Variants in WNT3 observed in about 807,000 individuals in gnomAD.
WNT3 encodes proto-oncogene Wnt-3.
A neutral mutation model predicts 34.2 loss-of-function variants in WNT3; 7 were observed. The observed-to-expected ratio is 0.20, with a 90% CI of 0.12 to 0.38. The LOEUF (loss-of-function observed/expected upper bound fraction) is 0.38, where lower values mean the gene tolerates loss of function less well. WNT3 is among the 10% of genes least tolerant of loss of function. The probability of loss-of-function intolerance (pLI) is 1.00; values close to 1 mark genes in which losing one functional copy is unlikely to be tolerated. For missense variants in WNT3, 267 were observed against 499.8 expected, an observed-to-expected ratio of 0.53 and a Z score of 4.44; for synonymous variants, 212 against 211.5, an observed-to-expected ratio of 1.00 and a Z score of -0.02.
At chr17:46,793,249 G>A (rs1426352005) in intron 1 of WNT3, among the ~76,000 whole-genome samples, 3 of 127,220 alleles carry the variant, frequency 2.4e-5, no homozygotes, top group African/African-American at 5.7e-5. Flanking sequence ...ACTCTAGCCT[G>A]GGCAACAGAG....
rs1208822915 is a variant in WNT3 at position 46,768,350 on chromosome 17, A to C, written c.1038T>G (p.Ile346Met). 2.5e-6 allele frequency: 4 copies of C among 1,613,666 alleles called. No homozygotes were observed. Among genetic ancestry groups the C allele is most frequent in the Non-Finnish European group, 3.4e-6 (4 of 1,180,040 alleles). The change falls in exon 4 of 5, where the codon ATT (isoleucine) becomes ATG (methionine). Residue 346 changes from isoleucine to methionine, a missense_variant. Coordinates refer to ENST00000225512, the MANE Select transcript of WNT3 (RefSeq NM_030753.5). This position sits in a 1 kb window ranked among gnomAD's most constrained non-coding sequence, Gnocchi z 5.0. Reference sequence around the variant, plus strand: ...TGCAGGTGTGCACGTCGTAGATGCGAATACACTCCTGGCAGCTGACGTAGC... The same window carrying C: ...TGCAGGTGTGCACGTCGTAGATGCGCATACACTCCTGGCAGCTGACGTAGC... ...WCCYVSCQEC[I>M]RIYDVHTCK
At chr17:46,796,059 G>A (rs750820504) in intron 1 of WNT3, among the ~76,000 whole-genome samples, 4 of 152,124 alleles carry the variant, frequency 2.6e-5, no homozygotes, top group Non-Finnish European at 5.9e-5. Context: ...TGTCCCATCC[G>A]CAGGTGGTAG....
At chr17:46,796,542 T>TGA (rs1388126014) in intron 1 of WNT3, among the ~76,000 whole-genome samples, 8 of 152,148 alleles carry the variant, frequency 5.3e-5, no homozygotes, top group African/African-American at 1.9e-4. Context: ...AGGAGTTGGA[T>TGA]GAGAGATCCC....
At position 46,768,725 on chromosome 17, in the gene WNT3, CCAG is replaced by C; in HGVS notation, c.660_662del (p.Cys220del). 6.2e-7 allele frequency: 1 copy of C among 1,614,168 alleles called. No homozygotes were observed. The highest frequency in any genetic ancestry group is 1.7e-5 in the Admixed American group (1 of 60,034). On this transcript the variant is annotated inframe_deletion, in exon 4 of 5. Coordinates refer to ENST00000225512, the MANE Select transcript of WNT3 (RefSeq NM_030753.5). This position sits in a 1 kb window ranked among gnomAD's most constrained non-coding sequence, Gnocchi z 5.0. ...TGGCACGGAAGTCAGGCTGCGCCCA[CCAG>C]CAGGTCTTCACCTCACAGCTGCCCG...
chr17:46,816,468 A>AACACAC (rs879498852), intron 1 of WNT3, among the ~76,000 whole-genome samples: 8 of 96,528 alleles, frequency 8.3e-5, no homozygotes, highest in Non-Finnish European at 1.4e-4. Flanking sequence ...ATAGACCCAG[A>AACACAC]ACACACGCAC....
chr17:46,769,718 G>C, intron 3 of WNT3, 65 bp downstream of exon 3: 1 of 1,591,408 alleles, frequency 6.3e-7, no homozygotes, highest in East Asian at 2.2e-5. Flanking sequence ...TGGGGGCCAG[G>C]GCAGCTCCGG....
At chr17:46,785,512 G>A (rs2059496330) in intron 1 of WNT3, among the ~76,000 whole-genome samples, 2 of 152,244 alleles carry the variant, frequency 1.3e-5, no homozygotes, top group Admixed American at 6.5e-5. Context: ...GGCCCCAGGA[G>A]CCCCGGAAAC....
At chr17:46,799,111 G>A (rs1007801661) in intron 1 of WNT3, among the ~76,000 whole-genome samples, 1 of 150,910 alleles carries the variant, frequency 6.6e-6, no homozygotes, top group Non-Finnish European at 1.5e-5. Context: ...CCCTTCCTGA[G>A]AACTGGAGGC....
intron 4 of WNT3, among the ~76,000 whole-genome samples, chr17:46,766,354 G>A (rs1344774128): frequency 1.3e-5 from 2 of 151,848 alleles, no homozygotes; most frequent in Non-Finnish European, 2.9e-5. Context: ...GTTACAGTGA[G>A]CCGAGATTGC....
At position 46,768,745 on chromosome 17, in the gene WNT3, A is replaced by G; in HGVS notation, c.643T>C (p.Cys215Arg). 1 of 1,614,140 alleles carries G rather than the reference A, an allele frequency of 6.2e-7. No homozygotes were observed. The highest frequency in any genetic ancestry group is 8.5e-7 in the Non-Finnish European group (1 of 1,180,042). ...GCCCACCAGCAGGTCTTCACCTCAC[A>G]GCTGCCCGACAGCCCGTGGCACTTG... ...KCKCHGLSGS[C>R]EVKTCWWAQP... The change falls in exon 4 of 5, where the codon TGT becomes CGT. Residue 215 changes from cysteine to arginine, a missense_variant. Transcript: ENST00000225512. This position sits in a 1 kb window ranked among gnomAD's most constrained non-coding sequence, Gnocchi z 5.0.
At chr17:46,794,382 G>A (rs1037971947) in intron 1 of WNT3, among the ~76,000 whole-genome samples, 1 of 152,178 alleles carries the variant, frequency 6.6e-6, no homozygotes, top group Non-Finnish European at 1.5e-5. Flanking sequence ...GGCCCTATAT[G>A]CAGGCTGGAT....
intron 2 of WNT3, among the ~76,000 whole-genome samples, chr17:46,770,940 AC>A (rs1276776289): frequency 6.6e-6 from 1 of 152,206 alleles, no homozygotes; most frequent in African/African-American, 2.4e-5. Flanking sequence ...TCATGGCAGG[AC>A]CCGGGAGCCG....
rs1273726642 is a variant in WNT3 at position 46,768,288 on chromosome 17, C to A, written c.*8+24G>T. The A allele has an allele frequency of 3.1e-6, 5 of 1,612,228 alleles. No homozygotes were observed. Among genetic ancestry groups the A allele is most frequent in the Non-Finnish European group, 4.2e-6 (5 of 1,179,974 alleles). ...TTCCCTGCGCCCAGGCTCCCAGCCT[C>A]CCCCCTGCTTCCCGGAGCCCTACCT... is the stretch of plus-strand genomic sequence containing the variant. On this transcript the variant is annotated intron_variant, in intron 4 of 4. Coordinates refer to ENST00000225512, the MANE Select transcript of WNT3 (RefSeq NM_030753.5). This position sits in a 1 kb window ranked among gnomAD's most constrained non-coding sequence, Gnocchi z 5.0.
intron 1 of WNT3, among the ~76,000 whole-genome samples, chr17:46,816,123 A>ACACACACACGCACGCACG (rs1192553342): frequency 1.4e-5 from 2 of 147,962 alleles, no homozygotes; most frequent in Admixed American, 1.3e-4. Context: ...ACACACACAC[A>ACACACACACGCACGCACG]CACACACTCA....
chr17:46,773,275 C>T (rs2059389005), intron 2 of WNT3, among the ~76,000 whole-genome samples: 1 of 152,148 alleles, frequency 6.6e-6, no homozygotes, highest in African/African-American at 2.4e-5. Flanking sequence ...GCTTCCTCAC[C>T]TACTGAGGAC....
rs891237145 is a variant in WNT3, at chr17:46,763,467, G to C, written c.*1163C>G. On this transcript the variant is annotated 3_prime_UTR_variant, in exon 5 of 5. Transcript: ENST00000225512. ...ATGCAGGTGAGGGAGGAAGAGCTGG[G>C]GGAAAGAACTCTGTGTCTGTGTTTA... 6.6e-6 allele frequency: 1 copy of C among 152,206 alleles called. No homozygotes were observed. Among genetic ancestry groups the C allele is most frequent in the Non-Finnish European group, 1.5e-5 (1 of 68,090 alleles). The allele number at this position is 152,206 out of a possible 1,614,324, so 9.4% of individuals were successfully genotyped here. A position where few individuals can be genotyped will look rare whatever the true frequency, so the allele number is the denominator to read the frequency against.
Position 46,768,259 on chromosome 17 carries a change from C to G in WNT3, c.*8+53G>C. On this transcript the variant is annotated intron_variant, in intron 4 of 4. Coordinates refer to ENST00000225512, the MANE Select transcript of WNT3 (RefSeq NM_030753.5). The surrounding 1 kb of genome is among the most constrained non-coding windows in gnomAD (Gnocchi z 5.0). ...CAAGAAGACGAGATGGGCAAACAACCCCATTCCCTGCGCCCAGGCTCCCAG... is the reference window on the plus strand; with the variant it reads ...CAAGAAGACGAGATGGGCAAACAACGCCATTCCCTGCGCCCAGGCTCCCAG... 2 of 1,609,660 alleles carry G rather than the reference C, an allele frequency of 1.2e-6. No individual in the cohort carries two copies. The highest frequency in any genetic ancestry group is 1.7e-6 in the Non-Finnish European group (2 of 1,179,658).
intron 1 of WNT3, among the ~76,000 whole-genome samples, chr17:46,811,107 C>T (rs1417374215): frequency 2.0e-5 from 3 of 152,152 alleles, no homozygotes; most frequent in African/African-American, 7.2e-5. Flanking sequence ...CCCGGCTGTA[C>T]AGGCCAGGCT....
intron 3 of WNT3, among the ~76,000 whole-genome samples, chr17:46,769,443 T>A (rs1440092840): frequency 6.7e-6 from 1 of 149,546 alleles, no homozygotes; most frequent in African/African-American, 2.5e-5. Context: ...AGTAAGGGAG[T>A]GGAGGCTGAA....
Sources: allele counts gnomAD v4.1 joint callset (sites outside exome capture counted in the v4.1 genomes callset), GRCh38; gene constraint gnomAD v4.1.1; non-coding constraint Gnocchi (gnomAD v3.1); transcripts MANE v1.5; gene names NCBI Gene and HGNC (gene_info 2026-07-23, HGNC 2026-07-21).